ACOXL: variants seen among roughly 807,000 people sequenced by gnomAD.
ACOXL encodes acyl-CoA oxidase like, also known as acyl-coenzyme A oxidase-like protein.
A neutral mutation model predicts 71.9 loss-of-function variants in ACOXL; 70 were observed. That is an observed-to-expected ratio of 0.97 (90% CI 0.80 to 1.19). ACOXL has a LOEUF of 1.19. Among genes scored for constraint, ACOXL ranks in the 50% most tolerant of loss-of-function variants. The pLI is 0.00. For synonymous variants in ACOXL, 253 were observed against 281.6 expected (o/e 0.90, Z 1.02); for missense variants, 703 against 736.3 (o/e 0.95, Z 0.52).
intron 5 of ACOXL, 130 bp downstream of exon 5, chr2:110,794,304 T>A: frequency 1.2e-6 from 1 of 820,134 alleles, no homozygotes; most frequent in Non-Finnish European, 1.9e-6. Context: ...GAGATTCAGA[T>A]CAAATGCCTA....
chr2:110,844,824 G>A (rs1016585192), intron 10 of ACOXL, among the ~76,000 whole-genome samples: 1 of 152,046 alleles, frequency 6.6e-6, no homozygotes, highest in African/African-American at 2.4e-5. Context: ...TGGGATTACA[G>A]GTGTGAGCCA....
At chr2:110,966,799 G>A (rs560669727) in intron 12 of ACOXL, among the ~76,000 whole-genome samples, 8 of 152,300 alleles carry the variant, frequency 5.3e-5, no homozygotes, top group South Asian at 4.1e-4. Context: ...CTTCCCTGAC[G>A]TCAGCAGGGC....
chr2:110,798,360 C>G lies in ACOXL; in HGVS notation c.346-250C>G, dbSNP rs770318332. On this transcript the variant is annotated intron_variant, in intron 5 of 17. Coordinates refer to ENST00000439055, the MANE Select transcript of ACOXL (RefSeq NM_001142807.4). ...CAAGCTCTGCCTCCCAGGTTCACGC[C>G]ATTCTCCTGCCTCAGCCTCCCGAGT... Among the ~76,000 whole-genome samples the G allele has an allele frequency of 1.0e-3, 157 of 151,666 alleles. 2 individuals are homozygous for G. Among genetic ancestry groups the G allele is most frequent in the Non-Finnish European group, 8.1e-4 (55 of 67,858 alleles).
chr2:110,858,290 G>A (rs1045573216), intron 10 of ACOXL, among the ~76,000 whole-genome samples: 13 of 152,100 alleles, frequency 8.5e-5, no homozygotes, highest in Admixed American at 2.6e-4. Context: ...ACATCCTTTC[G>A]ATGTTAGAGA....
At chr2:110,925,605 G>C (rs1421140646) in intron 11 of ACOXL, among the ~76,000 whole-genome samples, 1 of 152,186 alleles carries the variant, frequency 6.6e-6, no homozygotes, top group East Asian at 1.9e-4. Context: ...TTCTGGATTA[G>C]GCTTTGGCTT....
At chr2:110,910,990 G>A (rs1274298745) in intron 11 of ACOXL, among the ~76,000 whole-genome samples, 1 of 151,852 alleles carries the variant, frequency 6.6e-6, no homozygotes. Context: ...TGCTTTCTGT[G>A]TCTTTTCTAA....
intron 12 of ACOXL, among the ~76,000 whole-genome samples, chr2:110,959,738 C>T (rs745387394): frequency 7.2e-5 from 11 of 152,182 alleles, no homozygotes; most frequent in Non-Finnish European, 1.2e-4. Context: ...CAGCATTCAG[C>T]ACCCCAGGCT....
chr2:110,755,682 G>A (rs148716782), intron 1 of ACOXL, among the ~76,000 whole-genome samples: 151 of 152,262 alleles, frequency 9.9e-4, no homozygotes, highest in Non-Finnish European at 1.7e-3. Context: ...TGTTATGGCA[G>A]CAGTTCAAAT....
intron 11 of ACOXL, among the ~76,000 whole-genome samples, chr2:110,915,873 C>T (rs2059841387): frequency 6.6e-6 from 1 of 151,270 alleles, no homozygotes; most frequent in Non-Finnish European, 1.5e-5. Context: ...TTATATTGTC[C>T]TCATAAAAAA....
At chr2:110,874,088 A>T (rs1250123800) in intron 10 of ACOXL, among the ~76,000 whole-genome samples, 1 of 152,196 alleles carries the variant, frequency 6.6e-6, no homozygotes, top group Non-Finnish European at 1.5e-5. Context: ...GGATGCCCAG[A>T]GGGCAGGTGG....
rs78173066 is a variant in ACOXL, at chr2:110,906,586, C to CAA, written c.789-2186_789-2185dup. Among the ~76,000 whole-genome samples, 558 of 98,884 alleles carry CAA rather than the reference C, an allele frequency of 5.6e-3. 9 individuals are homozygous for CAA. Among genetic ancestry groups the CAA allele is most frequent in the African/African-American group, 0.019 (450 of 23,222 alleles). 64.9% of individuals were successfully genotyped at this position (98,884 alleles called of 152,430 possible). On this transcript the variant is annotated intron_variant, in intron 10 of 17. Transcript: ENST00000439055. The stretch of plus-strand genomic sequence containing the variant: ...ATTATTATCGTACTTATTTTTCAGC[C>CAA]AAAAAAAAAAAAAAAAAACCAACCT...
chr2:111,048,785 C>T (rs1010317353), intron 15 of ACOXL, among the ~76,000 whole-genome samples: 1 of 152,000 alleles, frequency 6.6e-6, no homozygotes, highest in African/African-American at 2.4e-5. Flanking sequence ...GGCCATACAC[C>T]AAGAGAAGAG....
At chr2:110,748,457 C>A (rs1009055710) in intron 1 of ACOXL, among the ~76,000 whole-genome samples, 1 of 152,152 alleles carries the variant, frequency 6.6e-6, no homozygotes, top group Non-Finnish European at 1.5e-5. Context: ...TTCCCTGCTA[C>A]CTTTGTAGAC....
intron 17 of ACOXL, chr2:111,093,721 G>A: frequency 5.8e-6 from 3 of 521,534 alleles, no homozygotes; most frequent in Middle Eastern, 9.0e-4. Context: ...AAAATTAGCT[G>A]GGCGTGGTGG....
At chr2:110,930,475 G>A (rs2060439905) in intron 11 of ACOXL, among the ~76,000 whole-genome samples, 1 of 152,196 alleles carries the variant, frequency 6.6e-6, no homozygotes, top group African/African-American at 2.4e-5. Flanking sequence ...TCTCAGATAA[G>A]ACTTTGGACT....
intron 3 of ACOXL, among the ~76,000 whole-genome samples, chr2:110,786,645 A>G (rs1279208410): frequency 6.6e-6 from 1 of 152,174 alleles, no homozygotes; most frequent in Non-Finnish European, 1.5e-5. Context: ...ACAGCTCCAC[A>G]GGTGGTGGCA....
intron 12 of ACOXL, among the ~76,000 whole-genome samples, chr2:110,959,828 T>C (rs1460439262): frequency 6.6e-6 from 1 of 152,116 alleles, no homozygotes; most frequent in African/African-American, 2.4e-5. Context: ...TCATTAGCTG[T>C]GTTCAGTAAG....
At chr2:110,741,531 A>G (rs1348165461) in intron 1 of ACOXL, among the ~76,000 whole-genome samples, 2 of 152,220 alleles carry the variant, frequency 1.3e-5, no homozygotes, top group African/African-American at 4.8e-5. Context: ...GAGTAAGAAC[A>G]AGAAGTTACA....
chr2:110,801,327 C>T (rs1481880208), intron 7 of ACOXL, among the ~76,000 whole-genome samples: 1 of 152,222 alleles, frequency 6.6e-6, no homozygotes, highest in African/African-American at 2.4e-5. Context: ...TTGCTTAGAA[C>T]TCTCCCTTTC....
Sources: allele counts gnomAD v4.1 joint callset (sites outside exome capture counted in the v4.1 genomes callset), GRCh38; gene constraint gnomAD v4.1.1; transcripts MANE v1.5; gene names NCBI Gene and HGNC (gene_info 2026-07-23, HGNC 2026-07-21).